PTPN11: variants seen among roughly 807,000 people sequenced by gnomAD.
The protein encoded by PTPN11 is protein tyrosine phosphatase non-receptor type 11, also known as tyrosine-protein phosphatase non-receptor type 11.
Under a neutral mutation model 78.8 loss-of-function variants are expected in PTPN11, and 6 were observed. That is an observed-to-expected ratio of 0.08 (90% CI 0.04 to 0.15). The LOEUF (loss-of-function observed/expected upper bound fraction) is 0.15, where lower values mean the gene tolerates loss of function less well. PTPN11 is among the 10% of genes least tolerant of loss of function. The pLI is 1.00. For missense variants in PTPN11, 386 were observed against 744.8 expected (o/e 0.52, Z 5.61); for synonymous variants, 221 against 263.5 (o/e 0.84, Z 1.56).
intron 1 of PTPN11, among the ~76,000 whole-genome samples, chr12:112,432,399 C>G (rs186668916): frequency 6.6e-6 from 1 of 152,250 alleles, no homozygotes; most frequent in East Asian, 1.9e-4. Context: ...GGTGCAGTGG[C>G]TCTCACCTGC....
In PTPN11 at chr12:112,443,026, A is replaced by G. The variant is rs183198616; in HGVS notation, c.15-3250A>G. On this transcript the variant is annotated intron_variant, in intron 1 of 15. Coordinates refer to ENST00000351677, the MANE Select transcript of PTPN11 (RefSeq NM_002834.5). ...GTTTTGTTGGAACCACTTGAGGGTAAGTTGCAGACATGGCGTCTCATTGCT... is the reference window on the plus strand; with the variant it reads ...GTTTTGTTGGAACCACTTGAGGGTAGGTTGCAGACATGGCGTCTCATTGCT... Among the ~76,000 whole-genome samples the G allele has an allele frequency of 2.6e-3, 391 of 150,732 alleles. 3 individuals carry two copies. The highest frequency in any genetic ancestry group is 8.1e-3 in the African/African-American group (333 of 41,194).
intron 6 of PTPN11, among the ~76,000 whole-genome samples, chr12:112,462,768 T>C (rs1173497606): frequency 6.6e-6 from 1 of 152,210 alleles, no homozygotes. Context: ...GTCTTCATTC[T>C]TTTTTTACTG....
chr12:112,444,340 G>T (rs1349460344), intron 1 of PTPN11, among the ~76,000 whole-genome samples: 1 of 146,716 alleles, frequency 6.8e-6, no homozygotes, highest in Non-Finnish European at 1.5e-5. Context: ...GTACTTCCAA[G>T]TTTTTTTTTT....
Position 112,450,362 on chromosome 12 carries a change from A to T in PTPN11, c.182A>T (p.Asp61Val), listed in dbSNP as rs121918461. ...VTHIKIQNTG[D>V]YYDLYGGEKF... ...CACATCAAGATTCAGAACACTGGTG[A>T]TTACTATGACCTGTATGGAGGGGAG... Residue 61 changes from aspartate to valine, a missense_variant, in exon 3 of 16, where the codon GAT becomes GTT. By Grantham distance (152) the Asp-to-Val change is radical. This residue lies in a region of PTPN11 where 279 missense variants were observed against 503.3 expected (regional missense o/e 0.55). Coordinates refer to ENST00000351677, the MANE Select transcript of PTPN11 (RefSeq NM_002834.5). 2 of 1,613,346 alleles carry T rather than the reference A, an allele frequency of 1.2e-6. No homozygotes were observed. The highest frequency in any genetic ancestry group is 1.7e-6 in the Non-Finnish European group (2 of 1,179,326).
At chr12:112,422,718 C>T (rs753017100) in intron 1 of PTPN11, among the ~76,000 whole-genome samples, 2 of 152,094 alleles carry the variant, frequency 1.3e-5, no homozygotes, top group African/African-American at 2.4e-5. Flanking sequence ...TCTTTATTAA[C>T]GTTAGGTCCT....
chr12:112,442,064 A>G (rs2037901582), intron 1 of PTPN11, among the ~76,000 whole-genome samples: 3 of 152,206 alleles, frequency 2.0e-5, no homozygotes, highest in Admixed American at 6.5e-5. Flanking sequence ...GGCGTGAGCC[A>G]CCGCGCCTGC....
chr12:112,487,480 AT>A (rs1243146251), intron 11 of PTPN11, among the ~76,000 whole-genome samples: 1 of 151,870 alleles, frequency 6.6e-6, no homozygotes, highest in Non-Finnish European at 1.5e-5. Flanking sequence ...CTAACACTAT[AT>A]TTGTTTGCTT....
chr12:112,498,170 C>A lies in PTPN11; in HGVS notation c.1600-3974C>A, dbSNP rs547412749. 5.3e-5 allele frequency among the ~76,000 whole-genome samples: 8 copies of A among 151,672 alleles called. 1 individual carries two copies. In the South Asian group the frequency reaches 1.0e-3, roughly 20 times the overall value. ...TTCGTGTCAAAAAAAAAACAAAAAA[C>A]CCCTCATTTTGAAAGGGAACCCTGG... is the stretch of plus-strand genomic sequence containing the variant. On this transcript the variant is annotated intron_variant, in intron 13 of 15. Coordinates refer to ENST00000351677, the MANE Select transcript of PTPN11 (RefSeq NM_002834.5).
intron 1 of PTPN11, among the ~76,000 whole-genome samples, chr12:112,422,265 T>G (rs1042401944): frequency 2.0e-5 from 3 of 152,178 alleles, no homozygotes; most frequent in Non-Finnish European, 2.9e-5. Context: ...CATCCAGTAA[T>G]TAAAATGTAA....
intron 5 of PTPN11, 135 bp downstream of exon 5, chr12:112,454,815 A>AAT: frequency 1.4e-6 from 1 of 690,596 alleles, no homozygotes; most frequent in East Asian, 2.8e-5. Context: ...TCAACTATCA[A>AAT]ATCTTTTTTT....
rs543485059 is a variant in PTPN11, at chr12:112,501,727, T to C, written c.1600-417T>C. ...AGAGTGCTACCATCTTTCATTCTTG[T>C]GTGCCATTTCTAGTTGGGGTGAATT... On this transcript the variant is annotated intron_variant, in intron 13 of 15. Coordinates refer to ENST00000351677, the MANE Select transcript of PTPN11 (RefSeq NM_002834.5). Among the ~76,000 whole-genome samples the C allele has an allele frequency of 5.1e-4, 77 of 152,356 alleles. 1 individual carries two copies. In the South Asian group the frequency reaches 8.9e-3, roughly 18 times the overall value.
chr12:112,434,388 T>A (rs1594133865), intron 1 of PTPN11, among the ~76,000 whole-genome samples: 1 of 151,930 alleles, frequency 6.6e-6, no homozygotes, highest in Admixed American at 6.6e-5. Context: ...GGCGGGCAGG[T>A]CACAAGATCA....
At chr12:112,503,344 A>T (rs2038899793) in intron 14 of PTPN11, among the ~76,000 whole-genome samples, 1 of 152,232 alleles carries the variant, frequency 6.6e-6, no homozygotes, top group South Asian at 2.1e-4. Context: ...GTCACTTGCT[A>T]GTATAACATT....
At chr12:112,505,143 A>G (rs2038918065) in intron 15 of PTPN11, among the ~76,000 whole-genome samples, 1 of 152,146 alleles carries the variant, frequency 6.6e-6, no homozygotes, top group African/African-American at 2.4e-5. Flanking sequence ...GGATCTGGGA[A>G]GCATCGGGAC....
chr12:112,448,289 C>A (rs1823611792), intron 2 of PTPN11, among the ~76,000 whole-genome samples: 1 of 151,716 alleles, frequency 6.6e-6, no homozygotes, highest in Admixed American at 6.6e-5. Flanking sequence ...TGGCTCACCG[C>A]AACCTCCACC....
chr12:112,445,254 C>T (rs1248164826), intron 1 of PTPN11, among the ~76,000 whole-genome samples: 1 of 152,076 alleles, frequency 6.6e-6, no homozygotes, highest in African/African-American at 2.4e-5. Context: ...GTCTCAGCCT[C>T]CTGAGTAGCT....
At chr12:112,475,670 GCATTGCTCT>G (rs1227277072) in intron 7 of PTPN11, among the ~76,000 whole-genome samples, 1 of 152,204 alleles carries the variant, frequency 6.6e-6, no homozygotes, top group Admixed American at 6.5e-5. Context: ...AATTTGGAGA[GCATTGCTCT>G]CATGTCTTAT....
Position 112,454,655 on chromosome 12 carries a change from T to C in PTPN11, c.617T>C (p.Leu206Ser). 6.2e-7 allele frequency: 1 copy of C among 1,612,694 alleles called. No individual in the cohort carries two copies. Among genetic ancestry groups the C allele is most frequent in the Non-Finnish European group, 8.5e-7 (1 of 1,178,804 alleles). ...AAGAAGAATCCTATGGTGGAAACAT[T>C]GGGTACAGTACTACAACTCAAGCAG... The part of the protein sequence containing the change: ...HYKKNPMVET[L>S]GTVLQLKQPL... Residue 206 changes from leucine (L) to serine (S), a missense_variant, in exon 5 of 16, where the codon TTG (leucine) becomes TCG (serine). Physicochemically the swap from Leu to Ser is moderately radical, Grantham distance 145 (BLOSUM62 -2). This residue lies in a region of PTPN11 where 279 missense variants were observed against 503.3 expected (regional missense o/e 0.55). Coordinates refer to ENST00000351677, the MANE Select transcript of PTPN11 (RefSeq NM_002834.5).
At chr12:112,501,531 A>C (rs889509655) in intron 13 of PTPN11, among the ~76,000 whole-genome samples, 2 of 152,176 alleles carry the variant, frequency 1.3e-5, no homozygotes, top group Non-Finnish European at 2.9e-5. Flanking sequence ...AGGCTGAGGC[A>C]TGAAAATCGC....
Sources: allele counts gnomAD v4.1 joint callset (sites outside exome capture counted in the v4.1 genomes callset), GRCh38; gene constraint gnomAD v4.1.1; regional missense constraint gnomAD v4.1.1; transcripts MANE v1.5; gene names NCBI Gene and HGNC (gene_info 2026-07-23, HGNC 2026-07-21).